The following PTPRU variants were observed in gnomAD, a reference collection of about 807,000 sequenced individuals.
The protein encoded by PTPRU is receptor-type tyrosine-protein phosphatase U.
A neutral mutation model predicts 166.3 loss-of-function variants in PTPRU; 69 were observed. The ratio of observed to expected loss-of-function variants is 0.41; its 90% confidence interval spans 0.34 to 0.51. The LOEUF is 0.51. PTPRU is among the 20% of genes least tolerant of loss of function. The pLI is 0.09. For missense variants in PTPRU, 1,657 were observed against 2,013.7 expected, an observed-to-expected ratio of 0.82 and a Z score of 3.39; for synonymous variants, 793 against 814.0, an observed-to-expected ratio of 0.97 and a Z score of 0.44.
At chr1:29,240,161 C>T (rs1301276012) in intron 1 of PTPRU, among the ~76,000 whole-genome samples, 2 of 152,212 alleles carry the variant, frequency 1.3e-5, no homozygotes, top group African/African-American at 4.8e-5. Flanking sequence ...ACTTGATGGG[C>T]TCTCAGCTGT....
At chr1:29,318,583 A>C (rs1688004141) in intron 25 of PTPRU, among the ~76,000 whole-genome samples, 1 of 152,344 alleles carries the variant, frequency 6.6e-6, no homozygotes, top group African/African-American at 2.4e-5. Flanking sequence ...AGATATAGAC[A>C]CAGGAGACAC....
chr1:29,258,877 C>G, intron 3 of PTPRU, 101 bp downstream of exon 3: 1 of 1,469,614 alleles, frequency 6.8e-7, no homozygotes, highest in Non-Finnish European at 9.0e-7. Context: ...TAGAATGTGT[C>G]TGCATTCAGT....
chr1:29,305,826 G>A (rs1687365956), intron 18 of PTPRU, among the ~76,000 whole-genome samples: 1 of 152,140 alleles, frequency 6.6e-6, no homozygotes, highest in Non-Finnish European at 1.5e-5. Context: ...TTTTCCTAGG[G>A]GCACCAGGGA....
At position 29,320,636 on chromosome 1, in the gene PTPRU, A is replaced by AGGCCAGGGGCCGG. The variant is rs1217011483; in HGVS notation, c.3688-47_3688-35dup. 6.6e-7 allele frequency: 1 copy of AGGCCAGGGGCCGG among 1,508,524 alleles called. No homozygotes were observed. Among genetic ancestry groups the AGGCCAGGGGCCGG allele is most frequent in the African/African-American group, 1.4e-5 (1 of 72,314 alleles). The allele number at this position is 1,508,524 out of a possible 1,614,324, so 93.4% of individuals were successfully genotyped here. ...ACAGCCTGGGGCAGAGGCTCAGCCC[A>AGGCCAGGGGCCGG]GGCCAGGGGCCGGGAACAGGGCCCT... On this transcript the variant is annotated intron_variant, in intron 25 of 29. Coordinates refer to ENST00000373779, the MANE Select transcript of PTPRU (RefSeq NM_133178.4). The surrounding 1 kb of genome is among the most constrained non-coding windows in gnomAD (Gnocchi z 5.2).
At chr1:29,283,734 C>T (rs1287411970) in intron 12 of PTPRU, 2 of 601,742 alleles carry the variant, frequency 3.3e-6, no homozygotes, top group Non-Finnish European at 5.9e-6. Flanking sequence ...ATCTCATCCC[C>T]CTTTCCTAAG....
In PTPRU at chr1:29,325,542, C is replaced by G. The variant is rs926913387; in HGVS notation, c.4249-57C>G. On this transcript the variant is annotated intron_variant, in intron 29 of 29. Transcript: ENST00000373779. The stretch of plus-strand genomic sequence containing the variant: ...CTCTCACTCCCCGTTCCCCTCCCCC[C>G]ACAATACTGGAGTTGGGGTCAGGCT... The G allele has an allele frequency of 2.4e-5, 37 of 1,557,556 alleles. No individual in the cohort carries two copies. In the African/African-American group the frequency reaches 4.1e-4, roughly 17 times the overall value.
At chr1:29,249,188 TCA>T (rs1491352617) in intron 1 of PTPRU, among the ~76,000 whole-genome samples, 6 of 151,910 alleles carry the variant, frequency 3.9e-5, no homozygotes, top group Admixed American at 1.3e-4. Context: ...CTGCACACAC[TCA>T]CACGCACACC....
chr1:29,314,973 T>C (rs1291322813), intron 22 of PTPRU, among the ~76,000 whole-genome samples: 2 of 152,200 alleles, frequency 1.3e-5, no homozygotes, highest in African/African-American at 4.8e-5. Context: ...CCAGTGGGTA[T>C]GTGAATGGGT....
At position 29,288,605 on chromosome 1, in the gene PTPRU, G is replaced by T. The variant is rs75730650; in HGVS notation, c.2319-3264G>T. Among the ~76,000 whole-genome samples, 1,192 of 152,224 alleles carry T rather than the reference G, an allele frequency of 7.8e-3. 17 individuals are homozygous for T. The highest frequency in any genetic ancestry group is 0.027 in the African/African-American group (1,131 of 41,538). ...GATGTGCTCTGTGACCTGGGGCCAA[G>T]CTCCTGCCTTTGCTGGTCCGTCTTC... On this transcript the variant is annotated intron_variant, in intron 14 of 29. Transcript: ENST00000373779.
In PTPRU at chr1:29,304,700, C is replaced by T. The variant is rs182666202; in HGVS notation, c.2668-74C>T. 2.1e-4 allele frequency: 254 copies of T among 1,201,638 alleles called. 4 individuals carry two copies. The East Asian group carries it at 5.0e-3, about 24-fold the overall frequency. 74.4% of individuals were successfully genotyped at this position (1,201,638 alleles called of 1,614,324 possible). A position where few individuals can be genotyped will look rare whatever the true frequency, so the allele number is the denominator to read the frequency against. On this transcript the variant is annotated intron_variant, in intron 16 of 29. Transcript: ENST00000373779. The stretch of plus-strand genomic sequence containing the variant: ...CATCCCACCCCCATCCTGCCTACAT[C>T]ATCCCCACTGAGGGGAAGGGGCCCT...
intron 26 of PTPRU, 126 bp from the exon 27 acceptor site, chr1:29,323,245 G>T (rs1225178918): frequency 7.7e-7 from 1 of 1,298,214 alleles, no homozygotes. Context: ...TGAGTCTGGA[G>T]TGAGTGGGTG....
At chr1:29,285,021 G>C in intron 14 of PTPRU, 152 bp downstream of exon 14, 2 of 1,113,716 alleles carry the variant, frequency 1.8e-6, no homozygotes, top group South Asian at 1.6e-5. Flanking sequence ...AGATGGATCT[G>C]AGCTGGGTGG....
At chr1:29,256,543 C>G (rs997046669) in intron 2 of PTPRU, among the ~76,000 whole-genome samples, 7 of 152,340 alleles carry the variant, frequency 4.6e-5, no homozygotes, top group Admixed American at 4.6e-4. Context: ...GAGAGAAGAC[C>G]TTCATGACCT....
At chr1:29,318,196 G>A (rs1687990570) in intron 25 of PTPRU, among the ~76,000 whole-genome samples, 1 of 152,202 alleles carries the variant, frequency 6.6e-6, no homozygotes, top group Admixed American at 6.5e-5. Context: ...GGTAGGATGA[G>A]TGATTCAGGG....
In PTPRU at chr1:29,238,415, C is replaced by G. The variant is rs1025417313; in HGVS notation, c.73+1698C>G. Among the ~76,000 whole-genome samples, 1 of 152,154 alleles carries G rather than the reference C, an allele frequency of 6.6e-6. No individual in the cohort carries two copies. ...CCGCGGGCTCCGGGTAGCCGGGAGA[C>G]GCCCGGGGCGGGATCCGAGCCGAGA... On this transcript the variant is annotated intron_variant, in intron 1 of 29. Transcript: ENST00000373779. The surrounding 1 kb of genome is among the most constrained non-coding windows in gnomAD (Gnocchi z 6.1).
In PTPRU at chr1:29,275,476, T is replaced by C; in HGVS notation, c.1173T>C (p.Ala391=). 1 of 1,614,104 alleles carries C rather than the reference T, an allele frequency of 6.2e-7. No homozygotes were observed. The highest frequency in any genetic ancestry group is 8.5e-7 in the Non-Finnish European group (1 of 1,179,952). ...AEPMRAPKGL[A]FAEIQARQLT... ...CCATGAGGGCCCCCAAAGGCCTGGC[T>C]TTTGCTGAGATCCAGGCCCGTCAGC... Residue 391 remains alanine (A), a synonymous_variant, in exon 8 of 30, where the codon GCT becomes GCC. Transcript: ENST00000373779.
chr1:29,280,816 C>G lies in PTPRU; in HGVS notation c.1868+675C>G, dbSNP rs539928059. 6.6e-6 allele frequency among the ~76,000 whole-genome samples: 1 copy of G among 152,148 alleles called. No individual in the cohort carries two copies. Among genetic ancestry groups the G allele is most frequent in the South Asian group, 2.1e-4 (1 of 4,820 alleles). On this transcript the variant is annotated intron_variant, in intron 11 of 29. Transcript: ENST00000373779. The surrounding 1 kb of genome is among the most constrained non-coding windows in gnomAD (Gnocchi z 4.2). ...GTGAGGGTGTTTGTGCAACTGTGTG[C>G]ACGTACTGTTAGCCAGACCCCGTGC...
chr1:29,237,560 C>T lies in PTPRU; in HGVS notation c.73+843C>T, dbSNP rs1316677257. Among the ~76,000 whole-genome samples, 2 of 150,184 alleles carry T rather than the reference C, an allele frequency of 1.3e-5. No homozygotes were observed. Among genetic ancestry groups the T allele is most frequent in the Non-Finnish European group, 3.0e-5 (2 of 67,468 alleles). ...GGGGCGGTGGCAGGACGTGTGTGCG[C>T]GCGTGTGCGTGTGCGCGTGTGTGGC... is the stretch of plus-strand genomic sequence containing the variant. On this transcript the variant is annotated intron_variant, in intron 1 of 29. Transcript: ENST00000373779. The surrounding 1 kb of genome is among the most constrained non-coding windows in gnomAD (Gnocchi z 6.4).
rs1688350851 is a variant in PTPRU, at chr1:29,325,184, C to T, written c.4113-7C>T. Reference sequence around the variant, plus strand: ...CCCGCCCCTCAGCTTTTGCATCTCTCATTCAGAAACGGGGGAGGACGCAGC... The same window carrying T: ...CCCGCCCCTCAGCTTTTGCATCTCTTATTCAGAAACGGGGGAGGACGCAGC... On this transcript the variant is annotated splice_polypyrimidine_tract_variant and splice_region_variant and intron_variant, in intron 28 of 29. Coordinates refer to ENST00000373779, the MANE Select transcript of PTPRU (RefSeq NM_133178.4). The T allele has an allele frequency of 3.1e-6, 5 of 1,614,140 alleles. No homozygotes were observed. The highest frequency in any genetic ancestry group is 4.2e-6 in the Non-Finnish European group (5 of 1,180,000).
Sources: gnomAD v4.1 joint callset for allele counts (sites outside exome capture counted in the v4.1 genomes callset) on GRCh38, gnomAD v4.1.1 for gene constraint, Gnocchi (gnomAD v3.1) non-coding constraint, MANE v1.5 for transcripts, NCBI Gene and HGNC (gene_info 2026-07-23, HGNC 2026-07-21) for gene names.